Variants in WDR41 observed in about 807,000 individuals in gnomAD.
The protein encoded by WDR41 is WD repeat-containing protein 41.
Under a neutral mutation model 69.3 loss-of-function variants are expected in WDR41, and 63 were observed. The observed-to-expected ratio is 0.91, with a 90% CI of 0.74 to 1.12. The LOEUF (loss-of-function observed/expected upper bound fraction) is 1.12, where lower values mean the gene tolerates loss of function less well. Ranked by LOEUF, WDR41 falls within the 50% of genes most tolerant of loss-of-function variation. The pLI is 0.00. For missense variants in WDR41, 543 were observed against 534.5 expected (o/e 1.02, Z -0.16); for synonymous variants, 185 against 192.1 (o/e 0.96, Z 0.31).
intron 1 of WDR41, among the ~76,000 whole-genome samples, chr5:77,498,471 C>T (rs1801966280): frequency 6.6e-6 from 1 of 152,018 alleles, no homozygotes; most frequent in South Asian, 2.1e-4. Flanking sequence ...AAGCAAAATA[C>T]AGGATTAATC....
chr5:77,595,755 T>C (rs779310822), intron 1 of WDR41, among the ~76,000 whole-genome samples: 1 of 152,246 alleles, frequency 6.6e-6, no homozygotes, highest in Admixed American at 6.5e-5. Flanking sequence ...ATTATATTTA[T>C]CTAATGTAAT....
chr5:77,555,899 G>C (rs2112248627), intron 1 of WDR41, among the ~76,000 whole-genome samples: 1 of 152,096 alleles, frequency 6.6e-6, no homozygotes, highest in Admixed American at 6.5e-5. Context: ...AAAGAGCCAA[G>C]AATTAAACAC....
At chr5:77,573,075 A>C (rs1171247833) in intron 1 of WDR41, among the ~76,000 whole-genome samples, 2 of 152,142 alleles carry the variant, frequency 1.3e-5, no homozygotes, top group Non-Finnish European at 2.9e-5. Context: ...CAATTCAGAC[A>C]TGTCACTACC....
At chr5:77,614,009 A>G (rs1324933383) in intron 1 of WDR41, among the ~76,000 whole-genome samples, 1 of 152,222 alleles carries the variant, frequency 6.6e-6, no homozygotes, top group Non-Finnish European at 1.5e-5. Flanking sequence ...ACTTCTCAAA[A>G]GAAGACATTT....
rs566115872 is a variant in WDR41, at chr5:77,470,571, G to A, written c.168-5762C>T. On this transcript the variant is annotated intron_variant, in intron 2 of 12. Coordinates refer to ENST00000296679, the MANE Select transcript of WDR41 (RefSeq NM_018268.4). ...GAGACACACATAGGCTCAAAATAAA[G>A]GGATAGAGGAAGATCTACCAAGCAA... is the stretch of plus-strand genomic sequence containing the variant. 3.4e-4 allele frequency among the ~76,000 whole-genome samples: 51 copies of A among 151,768 alleles called. No homozygotes were observed. The South Asian group carries it at 5.6e-3, about 17-fold the overall frequency.
chr5:77,600,950 T>A (rs1744313040), intron 1 of WDR41, among the ~76,000 whole-genome samples: 1 of 151,602 alleles, frequency 6.6e-6, no homozygotes, highest in Admixed American at 6.6e-5. Context: ...TGTGTGTGTG[T>A]GTGTGTGTGT....
intron 1 of WDR41, among the ~76,000 whole-genome samples, chr5:77,516,501 G>A (rs1802293207): frequency 6.6e-6 from 1 of 152,186 alleles, no homozygotes; most frequent in Admixed American, 6.5e-5. Context: ...AAATAAGAGT[G>A]CCATAATAGA....
At chr5:77,480,782 A>C (rs1344988723) in intron 2 of WDR41, among the ~76,000 whole-genome samples, 2 of 151,650 alleles carry the variant, frequency 1.3e-5, no homozygotes, top group Non-Finnish European at 2.9e-5. Context: ...TATGTAACTA[A>C]CCTGCACATT....
At chr5:77,520,498 T>C (rs1802355375) in intron 1 of WDR41, among the ~76,000 whole-genome samples, 1 of 152,146 alleles carries the variant, frequency 6.6e-6, no homozygotes, top group African/African-American at 2.4e-5. Context: ...GAAACAGAGC[T>C]CAAAGACCTG....
intron 1 of WDR41, among the ~76,000 whole-genome samples, chr5:77,608,505 TA>T (rs1275382598): frequency 2.0e-5 from 3 of 152,058 alleles, no homozygotes; most frequent in South Asian, 2.1e-4. Flanking sequence ...AAAAGTAAAA[TA>T]AAAAAACCAG....
In WDR41 at chr5:77,489,470, A is replaced by T; in HGVS notation, c.154T>A (p.Leu52Ile). 1.2e-6 allele frequency: 2 copies of T among 1,600,258 alleles called. No individual in the cohort carries two copies. Among genetic ancestry groups the T allele is most frequent in the Non-Finnish European group, 1.7e-6 (2 of 1,173,452 alleles). ...HHDIVRFLVQ[L>I]DDYRFASAGD... is the part of the protein sequence containing the mutation. Reference sequence around the variant, plus strand: ...ATAGCTTCTTACCTGTAGTCATCTAACTGTACCAGAAATCGTACAATATCA... The same window carrying T: ...ATAGCTTCTTACCTGTAGTCATCTATCTGTACCAGAAATCGTACAATATCA... Residue 52 changes from leucine (L) to isoleucine (I), a missense_variant, in exon 2 of 13, where the codon TTA becomes ATA. Coordinates refer to ENST00000296679, the MANE Select transcript of WDR41 (RefSeq NM_018268.4).
At chr5:77,534,438 A>G (rs1561216971) in intron 1 of WDR41, among the ~76,000 whole-genome samples, 1 of 151,072 alleles carries the variant, frequency 6.6e-6, no homozygotes, top group Non-Finnish European at 1.5e-5. Flanking sequence ...CAAAATTTCA[A>G]TTTTTTTTTC....
chr5:77,581,005 G>A (rs1027457279), intron 1 of WDR41, among the ~76,000 whole-genome samples: 2 of 151,448 alleles, frequency 1.3e-5, no homozygotes, highest in Admixed American at 1.3e-4. Flanking sequence ...AAAGTAAAAT[G>A]GCAGATGAAA....
At chr5:77,594,299 A>G (rs1218246749) in intron 1 of WDR41, among the ~76,000 whole-genome samples, 1 of 151,340 alleles carries the variant, frequency 6.6e-6, no homozygotes, top group African/African-American at 2.4e-5. Flanking sequence ...TAGCATTAGG[A>G]GATATACCTA....
At chr5:77,608,011 TG>T (rs1175395502) in intron 1 of WDR41, among the ~76,000 whole-genome samples, 3 of 152,178 alleles carry the variant, frequency 2.0e-5, no homozygotes, top group Non-Finnish European at 2.9e-5. Flanking sequence ...TACAGTTCAA[TG>T]GCAGCCATCC....
chr5:77,468,702 G>GA (rs1424035819), intron 2 of WDR41, among the ~76,000 whole-genome samples: 6 of 152,054 alleles, frequency 3.9e-5, no homozygotes, highest in Admixed American at 1.3e-4. Flanking sequence ...ATAAGGCACT[G>GA]AAAAAATAAA....
intron 1 of WDR41, among the ~76,000 whole-genome samples, chr5:77,534,804 G>A (rs560681073): frequency 3.3e-5 from 5 of 152,146 alleles, no homozygotes; most frequent in Non-Finnish European, 5.9e-5. Flanking sequence ...GGGAGCTGAG[G>A]ATACCAACAT....
intron 1 of WDR41, among the ~76,000 whole-genome samples, chr5:77,505,691 A>G (rs576522315): frequency 1.3e-5 from 2 of 152,314 alleles, no homozygotes; most frequent in African/African-American, 4.8e-5. Flanking sequence ...AAACAGATAT[A>G]TAGACCAATG....
At position 77,545,717 on chromosome 5, in the gene WDR41, C is replaced by T. The variant is rs4102381; in HGVS notation, c.43-56145G>A. On this transcript the variant is annotated intron_variant, in intron 1 of 5. Coordinates refer to the WDR41 transcript ENST00000509971. ...AAGGTTACGCCAGTGCAGAAGCAGACCCACGCTGGCCAGTGCACCAGGTTC... is the reference window on the plus strand; with the variant it reads ...AAGGTTACGCCAGTGCAGAAGCAGATCCACGCTGGCCAGTGCACCAGGTTC... 8.3e-3 allele frequency: 4,366 copies of T among 523,476 alleles called. 32 individuals are homozygous for T. The highest frequency in any genetic ancestry group is 0.012 in the Non-Finnish European group (3,537 of 300,706). 32.4% of individuals were successfully genotyped at this position (523,476 alleles called of 1,614,324 possible).
Sources: allele counts gnomAD v4.1 joint callset (sites outside exome capture counted in the v4.1 genomes callset), GRCh38; gene constraint gnomAD v4.1.1; transcripts MANE v1.5; gene names NCBI Gene and HGNC (gene_info 2026-07-23, HGNC 2026-07-21).